Variants in DAAM1 observed in about 807,000 individuals in gnomAD.
DAAM1 encodes dishevelled associated activator of morphogenesis 1.
A neutral mutation model predicts 130.0 loss-of-function variants in DAAM1; 52 were observed. The ratio of observed to expected loss-of-function variants is 0.40; its 90% CI spans 0.32 to 0.50. DAAM1 has a LOEUF of 0.50. DAAM1 is among the 20% of genes least tolerant of loss of function. The pLI is 0.61. For missense variants in DAAM1, 1,134 were observed against 1,303.8 expected (o/e 0.87, Z 2.01); for synonymous variants, 452 against 444.5 (o/e 1.02, Z -0.21).
At chr14:59,247,311 C>T (rs1206417917) in intron 1 of DAAM1, among the ~76,000 whole-genome samples, 4 of 152,156 alleles carry the variant, frequency 2.6e-5, no homozygotes, top group African/African-American at 9.7e-5. Context: ...GTTTTGAAAT[C>T]AGAAAGTACA....
intron 1 of DAAM1, among the ~76,000 whole-genome samples, chr14:59,251,435 GTT>G (rs35807716): frequency 0.066 from 9,157 of 137,910 alleles, 362 homozygotes; most frequent in Non-Finnish European, 0.098. Flanking sequence ...ACTCCGCCGT[GTT>G]TTTTTTTTTT....
chr14:59,195,995 G>A (rs905609743), intron 1 of DAAM1, among the ~76,000 whole-genome samples: 23 of 152,110 alleles, frequency 1.5e-4, no homozygotes, highest in South Asian at 8.3e-4. Flanking sequence ...ATTTTAAAGC[G>A]AACTGGTAGG....
chr14:59,354,012 C>G (rs771558023), intron 19 of DAAM1, 48 bp downstream of exon 19: 12 of 1,571,232 alleles, frequency 7.6e-6, no homozygotes, highest in Non-Finnish European at 9.6e-6. Flanking sequence ...CATTACAACC[C>G]ATTTAAAAGT....
chr14:59,368,331 AC>A (rs1260599416), intron 24 of DAAM1, among the ~76,000 whole-genome samples: 7 of 151,942 alleles, frequency 4.6e-5, no homozygotes, highest in Non-Finnish European at 1.0e-4. Context: ...TAATAGTGAT[AC>A]CTTTTTTTTA....
chr14:59,230,907 A>G (rs1181262549), intron 1 of DAAM1, among the ~76,000 whole-genome samples: 1 of 152,192 alleles, frequency 6.6e-6, no homozygotes, highest in Non-Finnish European at 1.5e-5. Flanking sequence ...AAGCATTATT[A>G]TATGGCATGT....
At chr14:59,266,034 G>C (rs952550173) in intron 2 of DAAM1, 3 of 152,222 alleles carry the variant, frequency 2.0e-5, no homozygotes, top group African/African-American at 7.2e-5. Flanking sequence ...TCCTCTTCTA[G>C]GGAGGGGCAG....
intron 1 of DAAM1, among the ~76,000 whole-genome samples, chr14:59,215,339 T>C (rs929051409): frequency 6.6e-6 from 1 of 152,252 alleles, no homozygotes; most frequent in African/African-American, 2.4e-5. Flanking sequence ...GAACATGTGC[T>C]TGGTGTATGC....
At chr14:59,344,308 T>G (rs1375265200) in intron 16 of DAAM1, among the ~76,000 whole-genome samples, 1 of 152,240 alleles carries the variant, frequency 6.6e-6, no homozygotes, top group Non-Finnish European at 1.5e-5. Context: ...GTTCCAATTC[T>G]CTTGGCAAAT....
chr14:59,272,542 A>G (rs548808522), intron 2 of DAAM1, among the ~76,000 whole-genome samples: 80 of 152,066 alleles, frequency 5.3e-4, no homozygotes, highest in Middle Eastern at 6.8e-3. Context: ...GGGCCACTGC[A>G]CTCCAGCCTG....
At chr14:59,343,003 T>A (rs1177091615) in intron 16 of DAAM1, among the ~76,000 whole-genome samples, 2 of 152,154 alleles carry the variant, frequency 1.3e-5, no homozygotes, top group African/African-American at 4.8e-5. Flanking sequence ...ATTGTGCATT[T>A]ATAAGGGCAT....
chr14:59,287,636 T>C lies in DAAM1; in HGVS notation c.184-3581T>C, dbSNP rs368620406. Among the ~76,000 whole-genome samples, 22 of 152,180 alleles carry C rather than the reference T, an allele frequency of 1.4e-4. 1 individual carries two copies. The highest frequency in any genetic ancestry group is 8.5e-4 in the Admixed American group (13 of 15,282). ...GTAGCATTTTTATACACCAATAACA[T>C]TCAAGTTCAGACCTACATAAAGAAC... On this transcript the variant is annotated intron_variant, in intron 2 of 24. Transcript: ENST00000360909.
chr14:59,238,206 A>G (rs1889362569), intron 1 of DAAM1, among the ~76,000 whole-genome samples: 1 of 152,186 alleles, frequency 6.6e-6, no homozygotes, highest in African/African-American at 2.4e-5. Flanking sequence ...CTCAGTAGAG[A>G]TAGGGAGTGG....
chr14:59,286,806 C>T (rs896381569), intron 2 of DAAM1, among the ~76,000 whole-genome samples: 8 of 152,010 alleles, frequency 5.3e-5, no homozygotes, highest in African/African-American at 1.9e-4. Context: ...TACCTACCAA[C>T]CAGAAAAAAG....
intron 8 of DAAM1, among the ~76,000 whole-genome samples, chr14:59,324,766 C>T (rs1007460154): frequency 3.3e-5 from 5 of 152,176 alleles, no homozygotes; most frequent in African/African-American, 1.2e-4. Context: ...GTTTTTATAA[C>T]TGCAAAAGAT....
chr14:59,362,681 G>A (rs1017639482), intron 22 of DAAM1: 1 of 151,734 alleles, frequency 6.6e-6, no homozygotes, highest in Non-Finnish European at 1.5e-5. Context: ...AGAGCAACAT[G>A]CCATGGTTAA....
chr14:59,229,060 T>G (rs937120135), intron 1 of DAAM1, among the ~76,000 whole-genome samples: 3 of 152,244 alleles, frequency 2.0e-5, no homozygotes, highest in Non-Finnish European at 4.4e-5. Flanking sequence ...AGCAAGCAAG[T>G]ATTAAAACTA....
At chr14:59,344,915 G>GT (rs543736395) in intron 16 of DAAM1, among the ~76,000 whole-genome samples, 122 of 151,778 alleles carry the variant, frequency 8.0e-4, no homozygotes, top group African/African-American at 2.9e-3. Context: ...CCATAAAATG[G>GT]TTTCTTCAAC....
At chr14:59,348,158 G>T (rs572974000) in intron 17 of DAAM1, among the ~76,000 whole-genome samples, 1 of 152,320 alleles carries the variant, frequency 6.6e-6, no homozygotes, top group South Asian at 2.1e-4. Flanking sequence ...TCCGTACATT[G>T]TACAGCCCCC....
In DAAM1 at chr14:59,320,543, T is replaced by C. The variant is rs1384238184; in HGVS notation, c.399T>C (p.Thr133=). Residue 133 remains threonine, a synonymous_variant, in exon 5 of 25, where the codon ACT becomes ACC. Coordinates refer to ENST00000360909, the MANE Select transcript of DAAM1 (RefSeq NM_001270520.2). The part of the protein sequence containing the change: ...EKEEEEERSK[T]IESLKTALRT... ...AAGAAGAAGAAGAAAGAAGTAAAACTATAGAGAGTTTAAAGACAGCACTGA... is the reference window on the plus strand; with the variant it reads ...AAGAAGAAGAAGAAAGAAGTAAAACCATAGAGAGTTTAAAGACAGCACTGA... 9 of 1,605,616 alleles carry C rather than the reference T, an allele frequency of 5.6e-6. No individual in the cohort carries two copies. Among genetic ancestry groups the C allele is most frequent in the Non-Finnish European group, 7.6e-6 (9 of 1,177,310 alleles).
Sources: gnomAD v4.1 joint callset for allele counts (sites outside exome capture counted in the v4.1 genomes callset) on GRCh38, gnomAD v4.1.1 for gene constraint, MANE v1.5 for transcripts, NCBI Gene and HGNC (gene_info 2026-07-23, HGNC 2026-07-21) for gene names.